PPP2R5C: variants seen among roughly 807,000 people sequenced by gnomAD.
PPP2R5C encodes serine/threonine-protein phosphatase 2A 56 kDa regulatory subunit gamma isoform.
Under a neutral mutation model 68.9 loss-of-function variants are expected in PPP2R5C, and 7 were observed. The ratio of observed to expected loss-of-function variants is 0.10; its 90% CI spans 0.06 to 0.19. The LOEUF (loss-of-function observed/expected upper bound fraction) is 0.19. Ranked by LOEUF, PPP2R5C falls within the 10% of genes least tolerant of loss-of-function variation. PPP2R5C has a pLI of 1.00. For missense variants in PPP2R5C, 348 were observed against 641.3 expected (o/e 0.54, Z 4.94); for synonymous variants, 210 against 222.2 (o/e 0.95, Z 0.49).
rs891927512 is a variant in PPP2R5C, at chr14:101,768,844, A to G, written c.93+5874A>G. 9.7e-4 allele frequency among the ~76,000 whole-genome samples: 123 copies of G among 126,714 alleles called. 1 individual carries two copies. Among genetic ancestry groups the G allele is most frequent in the African/African-American group, 3.8e-3 (120 of 31,374 alleles). The allele number at this position is 126,714 out of a possible 152,430, so 83.1% of individuals were successfully genotyped here. A position where few individuals can be genotyped will look rare whatever the true frequency, so the allele number is the denominator to read the frequency against. On this transcript the variant is annotated intron_variant, in intron 2 of 14. Coordinates refer to the PPP2R5C transcript ENST00000328724. ...TTTCATCTTTTTTTTTTTTTTTTTG[A>G]GACGGAGTCTTGCTCTGTCACCCAG...
intron 3 of PPP2R5C, among the ~76,000 whole-genome samples, chr14:101,804,500 A>T (rs914697936): frequency 1.3e-4 from 19 of 151,904 alleles, no homozygotes; most frequent in African/African-American, 2.7e-4. Context: ...ATGAATAAAA[A>T]ATATATATAT....
chr14:101,871,218 T>TGTTTTGGTTTG (rs1210842537), intron 2 of PPP2R5C, among the ~76,000 whole-genome samples: 1 of 127,068 alleles, frequency 7.9e-6, no homozygotes, highest in Non-Finnish European at 1.6e-5. Flanking sequence ...GGTTTTTTTT[T>TGTTTTGGTTTG]GTTTTGGTTT....
chr14:101,761,716 T>TGGCTGCCGC (rs1349186375), upstream of PPP2R5C: 2 of 582,102 alleles, frequency 3.4e-6, no homozygotes, highest in East Asian at 1.7e-4. Flanking sequence ...GCCGCCGCCG[T>TGGCTGCCGC]GGCTGCCGCA....
At position 101,888,348 on chromosome 14, in the gene PPP2R5C, C is replaced by A. The variant is rs1228171269; in HGVS notation, c.630-1889C>A. Among the ~76,000 whole-genome samples the A allele has an allele frequency of 2.0e-5, 3 of 152,096 alleles. No individual in the cohort carries two copies. The highest frequency in any genetic ancestry group is 7.2e-5 in the African/African-American group (3 of 41,424). Reference sequence around the variant, plus strand: ...CAGACTGACTTCTGCTTGGTCACAGCTTCCAAGCCTCAGGGTAGGTGCAGG... The same window carrying A: ...CAGACTGACTTCTGCTTGGTCACAGATTCCAAGCCTCAGGGTAGGTGCAGG... On this transcript the variant is annotated intron_variant, in intron 5 of 13. Coordinates refer to ENST00000334743, the Ensembl canonical transcript of PPP2R5C. This position sits in a 1 kb window ranked among gnomAD's most constrained non-coding sequence, Gnocchi z 5.6.
intron 1 of PPP2R5C, among the ~76,000 whole-genome samples, chr14:101,828,656 A>G (rs2040547128): frequency 6.6e-6 from 1 of 151,488 alleles, no homozygotes; most frequent in Non-Finnish European, 1.5e-5. Context: ...ATTAACACTT[A>G]ACTGAAATTC....
At chr14:101,776,163 G>A (rs1048206678) in intron 2 of PPP2R5C, among the ~76,000 whole-genome samples, 5 of 152,066 alleles carry the variant, frequency 3.3e-5, no homozygotes, top group Non-Finnish European at 4.4e-5. Context: ...TCTACTGAAG[G>A]GAAGGGCCGA....
At chr14:101,795,897 A>G (rs1262911855) in intron 3 of PPP2R5C, among the ~76,000 whole-genome samples, 5 of 152,152 alleles carry the variant, frequency 3.3e-5, no homozygotes, top group Admixed American at 3.3e-4. Context: ...ATGTCAGCTC[A>G]CTGCAGCCTG....
At chr14:101,780,570 G>A (rs2037626667) in intron 2 of PPP2R5C, among the ~76,000 whole-genome samples, 1 of 152,080 alleles carries the variant, frequency 6.6e-6, no homozygotes, top group Non-Finnish European at 1.5e-5. Flanking sequence ...GCTGCGGGAG[G>A]ACACCTCCTG....
upstream of PPP2R5C, chr14:101,761,709 G>A (rs1362096021): frequency 3.4e-6 from 2 of 596,060 alleles, no homozygotes; most frequent in Non-Finnish European, 4.2e-6. Context: ...CGCCGCCGCC[G>A]CCGCCGTGGC....
intron 1 of PPP2R5C, chr14:101,836,689 A>G (rs186442768): frequency 5.3e-4 from 156 of 294,774 alleles, no homozygotes; most frequent in African/African-American, 3.0e-3. Context: ...TTAAACACAC[A>G]TGGATCTTCT....
At chr14:101,791,949 A>G (rs1566841677) in intron 3 of PPP2R5C, among the ~76,000 whole-genome samples, 1 of 152,160 alleles carries the variant, frequency 6.6e-6, no homozygotes, top group Non-Finnish European at 1.5e-5. Context: ...ATTGAAACCT[A>G]GAATCAAAGT....
intron 1 of PPP2R5C, chr14:101,831,680 AT>A (rs750868705): frequency 7.3e-6 from 5 of 688,304 alleles, no homozygotes; most frequent in South Asian, 3.0e-5. Context: ...TTATATGTGG[AT>A]TTTTTTCAAC....
At position 101,864,687 on chromosome 14, in the gene PPP2R5C, A is replaced by G. The variant is rs377354761; in HGVS notation, c.294+7802A>G. Among the ~76,000 whole-genome samples, 6 of 152,158 alleles carry G rather than the reference A, an allele frequency of 3.9e-5. No individual in the cohort carries two copies. In the East Asian group the frequency reaches 7.7e-4, roughly 20 times the overall value. The stretch of plus-strand genomic sequence containing the variant: ...GAGGGAAGGGGAGGGGAGTGTTCCC[A>G]GCAGAAGGAACAGCTCCTCTAAAGC... On this transcript the variant is annotated intron_variant, in intron 2 of 13. Transcript: ENST00000334743.
chr14:101,783,597 T>A (rs2037945839), intron 2 of PPP2R5C, among the ~76,000 whole-genome samples: 1 of 152,084 alleles, frequency 6.6e-6, no homozygotes, highest in African/African-American at 2.4e-5. Flanking sequence ...GAGGGCTGAC[T>A]TATTTTCTCA....
intron 1 of PPP2R5C, among the ~76,000 whole-genome samples, chr14:101,830,917 T>C (rs1331370731): frequency 6.6e-6 from 1 of 152,216 alleles, no homozygotes; most frequent in Non-Finnish European, 1.5e-5. Flanking sequence ...GTTAGAGTGA[T>C]AAGTAAGTTA....
At chr14:101,889,814 A>G (rs994024059) in intron 5 of PPP2R5C, 5 of 365,652 alleles carry the variant, frequency 1.4e-5, no homozygotes, top group Admixed American at 3.8e-5. Context: ...AAATTAAGTA[A>G]GACATTGGCC....
In PPP2R5C at chr14:101,906,718, T is replaced by G. The variant is rs2046045994; in HGVS notation, c.1151+189T>G. 2.9e-6 allele frequency: 2 copies of G among 691,666 alleles called. No homozygotes were observed. Among genetic ancestry groups the G allele is most frequent in the Non-Finnish European group, 4.6e-6 (2 of 436,024 alleles). The allele number at this position is 691,666 out of a possible 1,614,324, so 42.8% of individuals were successfully genotyped here. A position where few individuals can be genotyped will look rare whatever the true frequency, so the allele number is the denominator to read the frequency against. On this transcript the variant is annotated intron_variant, in intron 10 of 13. Coordinates refer to ENST00000334743, the Ensembl canonical transcript of PPP2R5C. This position sits in a 1 kb window ranked among gnomAD's most constrained non-coding sequence, Gnocchi z 4.0. ...TGTGGCCGTTGAATTTACCACCTTA[T>G]ACCTTCATTCCTGCCAGTATAGAGG...
rs546172948 is a variant in PPP2R5C at position 101,917,936 on chromosome 14, G to A, written c.1432G>A (p.Glu478Lys). 8.7e-6 allele frequency: 14 copies of A among 1,613,872 alleles called. No homozygotes were observed. Among genetic ancestry groups the A allele is most frequent in the South Asian group, 4.4e-5 (4 of 91,076 alleles). Residue 478 changes from glutamate (E) to lysine (K), a missense_variant, in exon 13 of 14, where the codon GAG becomes AAG. Physicochemically the swap from Glu to Lys is moderately conservative, Grantham distance 56. This residue lies in a region of PPP2R5C where 118 missense variants were observed against 108.9 expected (regional missense o/e 1.08). Coordinates refer to ENST00000334743, the Ensembl canonical transcript of PPP2R5C. The surrounding 1 kb of genome is among the most constrained non-coding windows in gnomAD (Gnocchi z 4.4). ...GATGCTGAGAAAGACAGTGAAGGAC[G>A]AGGCTCATCAGGTAAAAGTGCACCG...
At chr14:101,874,781 C>G (rs2043649358) in intron 2 of PPP2R5C, among the ~76,000 whole-genome samples, 1 of 152,028 alleles carries the variant, frequency 6.6e-6, no homozygotes, top group Non-Finnish European at 1.5e-5. Flanking sequence ...GCTCTGTCGC[C>G]CAGGCTGGAG....
Sources: allele counts gnomAD v4.1 joint callset (sites outside exome capture counted in the v4.1 genomes callset), GRCh38; gene constraint gnomAD v4.1.1; regional missense constraint gnomAD v4.1.1; non-coding constraint Gnocchi (gnomAD v3.1); transcripts MANE v1.5; gene names NCBI Gene and HGNC (gene_info 2026-07-23, HGNC 2026-07-21).